GRIP1: variants seen among roughly 807,000 people sequenced by gnomAD.
GRIP1 encodes glutamate receptor interacting protein 1, also known as glutamate receptor-interacting protein 1.
In GRIP1, 45 loss-of-function variants were observed where a neutral mutation model predicts 129.9. The observed-to-expected ratio is 0.35, with a 90% CI of 0.27 to 0.44. GRIP1 has a LOEUF of 0.44. Ranked by LOEUF, GRIP1 falls within the 20% of genes least tolerant of loss-of-function variation. The pLI is 1.00. For synonymous variants in GRIP1, 530 were observed against 520.8 expected (o/e 1.02, Z -0.24); for missense variants, 1,196 against 1,396.8 (o/e 0.86, Z 2.29).
rs568959118 is a variant in GRIP1, at chr12:66,539,110, A to G, written c.386T>C (p.Val129Ala). The G allele has an allele frequency of 1.7e-4, 267 of 1,613,786 alleles. 3 individuals carry two copies. The South Asian group carries it at 2.8e-3, about 17-fold the overall frequency. The change falls in exon 4 of 25, where the codon GTT (valine) becomes GCT (alanine). Residue 129 changes from valine to alanine, a missense_variant. Physicochemically the swap from Val to Ala is moderately conservative, Grantham distance 64. Around this residue, in one of 5 missense-constraint regions of GRIP1, gnomAD observed 217 missense variants for 224.8 expected, o/e 0.97. Coordinates refer to ENST00000359742, the MANE Select transcript of GRIP1 (RefSeq NM_001366722.1). ...SLLKNVGERVVLEVEYELPPV... is the reference protein window; with the variant it reads ...SLLKNVGERVALEVEYELPPV... Reference sequence around the variant, plus strand: ...TGGAAGCTCGTACTCTACTTCAAGAACCACTCTTTCTCCCACATTCTTCAG... The same window carrying G: ...TGGAAGCTCGTACTCTACTTCAAGAGCCACTCTTTCTCCCACATTCTTCAG...
At position 67,037,662 on chromosome 12, in the gene GRIP1, T is replaced by G. The variant is rs532015896; in HGVS notation, c.58+31388A>C. ...TTAAATTAGGTATTTATCATTTCTT[T>G]ATATTAAAAAAGGACTAAATCTAAG... On this transcript the variant is annotated intron_variant, in intron 1 of 1. Coordinates refer to the GRIP1 transcript ENST00000643019. 2.9e-4 allele frequency among the ~76,000 whole-genome samples: 44 copies of G among 152,294 alleles called. No homozygotes were observed. In the South Asian group the frequency reaches 8.7e-3, roughly 30 times the overall value.
chr12:67,026,246 A>G (rs1379990393), intron 1 of GRIP1, among the ~76,000 whole-genome samples: 1 of 152,248 alleles, frequency 6.6e-6, no homozygotes, highest in Non-Finnish European at 1.5e-5. Flanking sequence ...AAAGAAGAAA[A>G]CAAATGTCAT....
chr12:66,735,176 G>A (rs887118042), intron 1 of GRIP1, among the ~76,000 whole-genome samples: 1 of 152,178 alleles, frequency 6.6e-6, no homozygotes, highest in Non-Finnish European at 1.5e-5. Context: ...GGATTTATAG[G>A]AGCGTGATTG....
At chr12:66,457,373 T>C (rs192647515) in intron 9 of GRIP1, among the ~76,000 whole-genome samples, 89 of 152,266 alleles carry the variant, frequency 5.8e-4, no homozygotes, top group African/African-American at 2.1e-3. Context: ...GTTCAGGCAA[T>C]CCTCCCGCCT....
chr12:66,412,454 G>T (rs1472323599), intron 15 of GRIP1, among the ~76,000 whole-genome samples: 1 of 152,108 alleles, frequency 6.6e-6, no homozygotes, highest in East Asian at 1.9e-4. Context: ...TCACTATCAG[G>T]CCTACCTTGC....
intron 1 of GRIP1, among the ~76,000 whole-genome samples, chr12:66,635,967 G>C (rs1002264629): frequency 2.0e-5 from 3 of 152,138 alleles, no homozygotes; most frequent in Non-Finnish European, 4.4e-5. Context: ...GTGTTCATAG[G>C]AGCATTCTTC....
intron 13 of GRIP1, among the ~76,000 whole-genome samples, chr12:66,443,416 C>A (rs1186678295): frequency 6.6e-6 from 1 of 152,000 alleles, no homozygotes; most frequent in Admixed American, 6.6e-5. Flanking sequence ...AATCTCCCTC[C>A]CCTACCGCAA....
chr12:66,785,309 TACATACATACATACATACATACATAC>T (rs1299999078), intron 1 of GRIP1, among the ~76,000 whole-genome samples: 2,545 of 65,748 alleles, frequency 0.039, 53 homozygotes, highest in Admixed American at 0.057. Flanking sequence ...GAATTTAACA[TACATACATACATACATACATACATAC>T]ATACATACAT....
At position 67,001,840 on chromosome 12, in the gene GRIP1, C is replaced by T. The variant is rs142542822; in HGVS notation, c.58+67210G>A. ...CACAAGTCCACACAACCAGCCAACT[C>T]GGTTCCTCCTTTCTATCTGCAGACA... On this transcript the variant is annotated intron_variant, in intron 1 of 1. Transcript: ENST00000643019. Among the ~76,000 whole-genome samples, 3 of 152,232 alleles carry T rather than the reference C, an allele frequency of 2.0e-5. No homozygotes were observed. In the East Asian group the frequency reaches 5.8e-4, roughly 29 times the overall value.
intron 1 of GRIP1, among the ~76,000 whole-genome samples, chr12:66,747,958 G>A (rs1345922942): frequency 6.6e-6 from 1 of 152,094 alleles, no homozygotes; most frequent in African/African-American, 2.4e-5. Context: ...ATTTACATAT[G>A]TGTAAATGAG....
intron 1 of GRIP1, among the ~76,000 whole-genome samples, chr12:66,639,095 T>C (rs961556442): frequency 2.0e-5 from 3 of 152,212 alleles, no homozygotes; most frequent in Non-Finnish European, 4.4e-5. Context: ...TAGTAGCAGA[T>C]ATACATATAT....
At chr12:66,973,532 C>A (rs990167121) in intron 1 of GRIP1, among the ~76,000 whole-genome samples, 3 of 152,018 alleles carry the variant, frequency 2.0e-5, no homozygotes, top group African/African-American at 7.3e-5. Context: ...ATTCATCTTA[C>A]TAAATCAAAA....
chr12:67,011,257 T>A (rs1326801710), intron 1 of GRIP1, among the ~76,000 whole-genome samples: 1 of 152,114 alleles, frequency 6.6e-6, no homozygotes, highest in Non-Finnish European at 1.5e-5. Context: ...TGACTGGTCA[T>A]CCCAGATTCC....
intron 1 of GRIP1, among the ~76,000 whole-genome samples, chr12:66,788,278 C>G (rs1472047113): frequency 6.6e-6 from 1 of 150,900 alleles, no homozygotes; most frequent in Non-Finnish European, 1.5e-5. Flanking sequence ...TTGAGCTGCA[C>G]TTCTGTAGCT....
In GRIP1 at chr12:66,371,927, C is replaced by T; in HGVS notation, c.2779G>A (p.Ala927Thr). 1 of 1,597,860 alleles carries T rather than the reference C, an allele frequency of 6.3e-7. No homozygotes were observed. The highest frequency in any genetic ancestry group is 8.6e-7 in the Non-Finnish European group (1 of 1,168,466). Reference sequence around the variant, plus strand: ...ATCGTGCTCCCCGACATGATTGTTGCCTGTGGCATTGACAATTTTTAGAAA... The same window carrying T: ...ATCGTGCTCCCCGACATGATTGTTGTCTGTGGCATTGACAATTTTTAGAAA... ...RVSLRNMTLL[A>T]TIMSGSTMSL... Residue 927 changes from alanine (A) to threonine (T), a missense_variant and splice_region_variant, in exon 23 of 25, where the codon GCA (alanine) becomes ACA (threonine). Physicochemically the swap from Ala to Thr is moderately conservative, Grantham distance 58. Transcript: ENST00000359742.
chr12:66,887,210 G>T (rs1256056065), intron 1 of GRIP1, among the ~76,000 whole-genome samples: 1 of 152,210 alleles, frequency 6.6e-6, no homozygotes, highest in East Asian at 1.9e-4. Context: ...AAATTTTAAT[G>T]AAAGTTAGCT....
intron 1 of GRIP1, among the ~76,000 whole-genome samples, chr12:66,606,684 C>G: frequency 6.6e-6 from 1 of 152,098 alleles, no homozygotes; most frequent in East Asian, 1.9e-4. Context: ...AATTTGTCCT[C>G]ATCTAAATAG....
chr12:66,371,176 T>G (rs76213611), intron 23 of GRIP1, among the ~76,000 whole-genome samples: 14 of 150,930 alleles, frequency 9.3e-5, no homozygotes, highest in Middle Eastern at 3.4e-3. Flanking sequence ...TTTTTTTTTT[T>G]GGGACAGAGT....
intron 16 of GRIP1, among the ~76,000 whole-genome samples, chr12:66,401,624 AC>A (rs1317346492): frequency 6.8e-6 from 1 of 148,126 alleles, no homozygotes; most frequent in Non-Finnish European, 1.5e-5. Context: ...ACACACACAC[AC>A]ACACACACAC....
Sources: allele counts gnomAD v4.1 joint callset (sites outside exome capture counted in the v4.1 genomes callset), GRCh38; gene constraint gnomAD v4.1.1; regional missense constraint gnomAD v4.1.1; transcripts MANE v1.5; gene names NCBI Gene and HGNC (gene_info 2026-07-23, HGNC 2026-07-21).